Variants in ADAMTS12 observed in about 807,000 individuals in gnomAD.
ADAMTS12 encodes ADAM metallopeptidase with thrombospondin type 1 motif 12.
Under a neutral mutation model 167.8 loss-of-function variants are expected in ADAMTS12, and 118 were observed. The observed-to-expected ratio is 0.70, with a 90% CI of 0.61 to 0.82. ADAMTS12 has a LOEUF of 0.82. Ranked by LOEUF, ADAMTS12 falls within the 40% of genes least tolerant of loss-of-function variation. The pLI, the probability that ADAMTS12 is intolerant of heterozygous loss-of-function variation, is 0.00. For missense variants in ADAMTS12, 1,916 were observed against 1,998.8 expected, an observed-to-expected ratio of 0.96 and a Z score of 0.79; for synonymous variants, 704 against 716.9, an observed-to-expected ratio of 0.98 and a Z score of 0.29.
At chr5:33,671,847 C>T (rs551661593) in intron 5 of ADAMTS12, among the ~76,000 whole-genome samples, 50 of 151,358 alleles carry the variant, frequency 3.3e-4, no homozygotes, top group Admixed American at 3.0e-3. Flanking sequence ...CACTCACATA[C>T]ACACACACCC....
At chr5:33,762,036 TACA>T (rs1283842759) in intron 2 of ADAMTS12, among the ~76,000 whole-genome samples, 2 of 151,406 alleles carry the variant, frequency 1.3e-5, no homozygotes, top group African/African-American at 2.4e-5. Context: ...CTACTAAAAA[TACA>T]ACATTAGTCA....
intron 3 of ADAMTS12, among the ~76,000 whole-genome samples, chr5:33,708,522 A>T (rs1225020281): frequency 6.6e-6 from 1 of 152,210 alleles, no homozygotes. Flanking sequence ...CACTATTCAC[A>T]ATAGCATAGA....
intron 5 of ADAMTS12, among the ~76,000 whole-genome samples, chr5:33,680,782 A>G (rs1742084109): frequency 6.6e-6 from 1 of 152,200 alleles, no homozygotes; most frequent in Admixed American, 6.5e-5. Flanking sequence ...CAGATGCAAA[A>G]AACTGATGCA....
chr5:33,796,251 T>C (rs1025934627), intron 2 of ADAMTS12, among the ~76,000 whole-genome samples: 3 of 152,126 alleles, frequency 2.0e-5, no homozygotes, highest in Non-Finnish European at 4.4e-5. Context: ...CACCAGTAGG[T>C]GCTGGAGGAT....
intron 14 of ADAMTS12, among the ~76,000 whole-genome samples, chr5:33,621,416 A>G (rs955008106): frequency 3.1e-4 from 47 of 151,878 alleles, no homozygotes; most frequent in African/African-American, 1.1e-3. Flanking sequence ...AAAAAAAAAA[A>G]AAAGAATATT....
At chr5:33,879,159 C>T (rs968100424) in intron 2 of ADAMTS12, among the ~76,000 whole-genome samples, 1 of 152,008 alleles carries the variant, frequency 6.6e-6, no homozygotes, top group East Asian at 1.9e-4. Context: ...GTGGGTTAAC[C>T]GTATATATGT....
At chr5:33,664,473 A>G (rs1741394587) in intron 5 of ADAMTS12, among the ~76,000 whole-genome samples, 1 of 152,226 alleles carries the variant, frequency 6.6e-6, no homozygotes, top group Non-Finnish European at 1.5e-5. Flanking sequence ...AAATAATCCA[A>G]TTGAAAAATG....
At chr5:33,888,864 G>A (rs1221692991) in intron 1 of ADAMTS12, among the ~76,000 whole-genome samples, 2 of 152,202 alleles carry the variant, frequency 1.3e-5, no homozygotes, top group Non-Finnish European at 2.9e-5. Flanking sequence ...TATCACAACT[G>A]AGCAATGTGG....
intron 2 of ADAMTS12, among the ~76,000 whole-genome samples, chr5:33,862,769 A>T (rs1399450683): frequency 6.6e-6 from 1 of 152,258 alleles, no homozygotes; most frequent in Admixed American, 6.5e-5. Flanking sequence ...AATATCCCTG[A>T]TGAACATCAA....
intron 5 of ADAMTS12, among the ~76,000 whole-genome samples, chr5:33,680,654 A>T (rs1001478840): frequency 2.0e-5 from 3 of 152,182 alleles, no homozygotes; most frequent in Non-Finnish European, 4.4e-5. Context: ...CACAATTTTC[A>T]TACAAATATA....
At chr5:33,649,919 A>G (rs992496710) in intron 7 of ADAMTS12, among the ~76,000 whole-genome samples, 2 of 152,176 alleles carry the variant, frequency 1.3e-5, no homozygotes, top group African/African-American at 4.8e-5. Flanking sequence ...ATATGCATCC[A>G]TGGGAGTCAT....
intron 2 of ADAMTS12, among the ~76,000 whole-genome samples, chr5:33,805,205 G>C (rs923550462): frequency 5.9e-5 from 9 of 152,160 alleles, no homozygotes; most frequent in African/African-American, 1.9e-4. Flanking sequence ...CACCCTCCAG[G>C]AGAGGCTCCC....
At chr5:33,663,673 T>C (rs1470786084) in intron 5 of ADAMTS12, among the ~76,000 whole-genome samples, 1 of 152,194 alleles carries the variant, frequency 6.6e-6, no homozygotes, top group Non-Finnish European at 1.5e-5. Flanking sequence ...TAAAAAAGGT[T>C]CCTAGATAAA....
Position 33,804,371 on chromosome 5 carries a change from G to C in ADAMTS12, c.490-52823C>G, listed in dbSNP as rs147083415. 4.5e-3 allele frequency among the ~76,000 whole-genome samples: 689 copies of C among 152,234 alleles called. 4 individuals are homozygous for C. Among genetic ancestry groups the C allele is most frequent in the African/African-American group, 0.016 (666 of 41,538 alleles). ...TTCTGCACCCCCATCACTGCCATGG[G>C]AAGAGCCTCCTGCCAACCTGGCCTC... On this transcript the variant is annotated intron_variant, in intron 2 of 23. Coordinates refer to ENST00000504830, the MANE Select transcript of ADAMTS12 (RefSeq NM_030955.4).
chr5:33,598,636 C>A (rs1432726971), intron 16 of ADAMTS12, among the ~76,000 whole-genome samples: 1 of 152,276 alleles, frequency 6.6e-6, no homozygotes. Flanking sequence ...ATGAAAGGAT[C>A]TGGTTAATAT....
chr5:33,645,369 G>A (rs997384740), intron 9 of ADAMTS12, among the ~76,000 whole-genome samples: 2 of 151,864 alleles, frequency 1.3e-5, no homozygotes, highest in Non-Finnish European at 2.9e-5. Flanking sequence ...TTTCCTTTTG[G>A]TTGATTTCTT....
intron 3 of ADAMTS12, among the ~76,000 whole-genome samples, chr5:33,746,913 G>A (rs1744809879): frequency 6.6e-6 from 1 of 152,176 alleles, no homozygotes; most frequent in African/African-American, 2.4e-5. Flanking sequence ...TTCAGCCTGT[G>A]CCCAAGAGTT....
chr5:33,614,992 A>T (rs1044475083), intron 15 of ADAMTS12, among the ~76,000 whole-genome samples: 3 of 152,210 alleles, frequency 2.0e-5, no homozygotes, highest in Admixed American at 2.0e-4. Context: ...CTGAGCTAAC[A>T]ATGGTCATGG....
intron 10 of ADAMTS12, among the ~76,000 whole-genome samples, chr5:33,643,111 T>C (rs1373999366): frequency 1.3e-5 from 2 of 152,212 alleles, no homozygotes; most frequent in Non-Finnish European, 2.9e-5. Flanking sequence ...ACAAACTCCA[T>C]AGAAATTCAT....
Sources: allele counts gnomAD v4.1 joint callset (sites outside exome capture counted in the v4.1 genomes callset), GRCh38; gene constraint gnomAD v4.1.1; transcripts MANE v1.5; gene names NCBI Gene and HGNC (gene_info 2026-07-23, HGNC 2026-07-21).